Variants in ULK4 observed in about 807,000 individuals in gnomAD.
ULK4 encodes the protein unc-51 like kinase 4.
A neutral mutation model predicts 160.6 loss-of-function variants in ULK4; 133 were observed. That is an observed-to-expected ratio of 0.83 (90% CI 0.72 to 0.96). The LOEUF is 0.96. ULK4 is among the 40% of genes least tolerant of loss of function. The probability of loss-of-function intolerance (pLI) is 0.00; values close to 1 mark genes in which losing one functional copy is unlikely to be tolerated. For missense variants in ULK4, 1,580 were observed against 1,499.5 expected (o/e 1.05, Z -0.89); for synonymous variants, 534 against 539.8 (o/e 0.99, Z 0.15).
intron 27 of ULK4, among the ~76,000 whole-genome samples, chr3:41,700,268 T>C (rs2036630198): frequency 6.6e-6 from 1 of 152,174 alleles, no homozygotes; most frequent in African/African-American, 2.4e-5. Context: ...TGGAGCTGAC[T>C]GCCCAGGAAG....
chr3:41,822,986 T>C (rs1177619882), intron 18 of ULK4, among the ~76,000 whole-genome samples: 3 of 151,658 alleles, frequency 2.0e-5, no homozygotes, highest in African/African-American at 7.3e-5. Context: ...CCTCCCAAAG[T>C]GCTGGGATTA....
rs369581282 is a variant in ULK4 at position 41,919,687 on chromosome 3, T to C, written c.643+30A>G. ...CTTAACCTGGTTTTTAGTCCAGCTC[T>C]GATTTTATACCTATTCAGGAAACAA... On this transcript the variant is annotated intron_variant, in intron 6 of 36. Transcript: ENST00000301831. 1.7e-5 allele frequency: 27 copies of C among 1,577,432 alleles called. No homozygotes were observed. The African/African-American group carries it at 2.7e-4, about 16-fold the overall frequency.
At chr3:41,463,328 G>C in intron 32 of ULK4, 75 bp from the exon 33 acceptor site, 3 of 1,411,096 alleles carry the variant, frequency 2.1e-6, no homozygotes, top group Non-Finnish European at 2.9e-6. Flanking sequence ...AAAAAGAGAG[G>C]CATTCTGGCT....
rs1446627199 is a variant in ULK4 at position 41,295,479 on chromosome 3, T to C, written c.3679-45905A>G. Among the ~76,000 whole-genome samples the C allele has an allele frequency of 4.5e-5, 6 of 131,966 alleles. 2 individuals are homozygous for C. Among genetic ancestry groups the C allele is most frequent in the African/African-American group, 1.6e-4 (6 of 36,666 alleles). The allele number at this position is 131,966 out of a possible 152,430, so 86.6% of individuals were successfully genotyped here. A position where few individuals can be genotyped will look rare whatever the true frequency, so the allele number is the denominator to read the frequency against. Reference sequence around the variant, plus strand: ...TGAAAGAAATAACTGATAAGCTGGGTTTTGTTAAAACTTAAAACTTCTGCC... The same window carrying C: ...TGAAAGAAATAACTGATAAGCTGGGCTTTGTTAAAACTTAAAACTTCTGCC... On this transcript the variant is annotated intron_variant, in intron 35 of 36. Coordinates refer to ENST00000301831, the MANE Select transcript of ULK4 (RefSeq NM_017886.4).
At chr3:41,832,421 T>C (rs1487927657) in intron 18 of ULK4, among the ~76,000 whole-genome samples, 1 of 152,232 alleles carries the variant, frequency 6.6e-6, no homozygotes, top group Non-Finnish European at 1.5e-5. Context: ...TTAAGTTCCT[T>C]GTAGATTCTG....
intron 31 of ULK4, among the ~76,000 whole-genome samples, chr3:41,608,505 G>A (rs2032498113): frequency 1.3e-5 from 2 of 152,130 alleles, no homozygotes; most frequent in South Asian, 4.1e-4. Flanking sequence ...TTCATATTGA[G>A]AATGAGTAAT....
intron 18 of ULK4, among the ~76,000 whole-genome samples, chr3:41,835,653 A>G (rs116231052): frequency 0.012 from 1,829 of 152,328 alleles, 46 homozygotes; most frequent in African/African-American, 0.043. Flanking sequence ...GAAAAGAGGC[A>G]CTGGGAGGAA....
chr3:41,948,429 C>T (rs1366059481), intron 2 of ULK4, among the ~76,000 whole-genome samples: 4 of 151,794 alleles, frequency 2.6e-5, no homozygotes, highest in African/African-American at 4.8e-5. Flanking sequence ...CCAGCCTGGA[C>T]GAAAGAGTCT....
chr3:41,573,757 T>C (rs2088085862), intron 31 of ULK4, among the ~76,000 whole-genome samples: 1 of 152,202 alleles, frequency 6.6e-6, no homozygotes, highest in Non-Finnish European at 1.5e-5. Flanking sequence ...TAGTCTACCA[T>C]GCACTCCATG....
intron 31 of ULK4, among the ~76,000 whole-genome samples, chr3:41,583,676 C>T (rs1373475280): frequency 2.0e-5 from 3 of 152,198 alleles, no homozygotes; most frequent in Non-Finnish European, 4.4e-5. Flanking sequence ...AGGCCATGGC[C>T]TCCTCATGCT....
chr3:41,515,785 T>C (rs1004137849), intron 32 of ULK4, among the ~76,000 whole-genome samples: 1 of 152,178 alleles, frequency 6.6e-6, no homozygotes, highest in Non-Finnish European at 1.5e-5. Flanking sequence ...GTGGGGATTA[T>C]TACACTTCAA....
At chr3:41,430,077 A>G (rs1463678764) in intron 34 of ULK4, among the ~76,000 whole-genome samples, 6 of 152,206 alleles carry the variant, frequency 3.9e-5, no homozygotes, top group Admixed American at 3.3e-4. Context: ...AAGAATATAT[A>G]CTAAATGAAA....
chr3:41,740,315 A>C (rs1181030285), intron 22 of ULK4, among the ~76,000 whole-genome samples: 1 of 151,786 alleles, frequency 6.6e-6, no homozygotes, highest in Non-Finnish European at 1.5e-5. Context: ...TATTAACAAT[A>C]CTATGGGGAA....
intron 31 of ULK4, among the ~76,000 whole-genome samples, chr3:41,612,462 C>T (rs137918961): frequency 5.3e-4 from 80 of 152,326 alleles, no homozygotes; most frequent in African/African-American, 1.9e-3. Flanking sequence ...GTACACATCA[C>T]TCTCTCCCTG....
At chr3:41,404,576 C>T (rs993617747) in intron 34 of ULK4, among the ~76,000 whole-genome samples, 6 of 152,112 alleles carry the variant, frequency 3.9e-5, no homozygotes, top group South Asian at 2.1e-4. Context: ...AATTAACCCC[C>T]GAGTTCAACA....
intron 31 of ULK4, among the ~76,000 whole-genome samples, chr3:41,582,627 T>C (rs2132328): frequency 0.92 from 139,479 of 152,092 alleles, 64,373 homozygotes; most frequent in Middle Eastern, 0.97. Flanking sequence ...CCCTGTTGGC[T>C]TCTGGGCATT....
At chr3:41,463,281 A>C in intron 32 of ULK4, 28 bp from the exon 33 acceptor site, 1 of 1,601,676 alleles carries the variant, frequency 6.2e-7, no homozygotes, top group Non-Finnish European at 8.5e-7. Context: ...AAAGAAAAAA[A>C]CCTCATCATT....
At chr3:41,542,503 A>T (rs975681547) in intron 32 of ULK4, among the ~76,000 whole-genome samples, 2 of 152,004 alleles carry the variant, frequency 1.3e-5, no homozygotes, top group African/African-American at 2.4e-5. Context: ...TGTCTTTGCC[A>T]GGTTTTGGTA....
intron 32 of ULK4, among the ~76,000 whole-genome samples, chr3:41,556,193 C>T (rs7647639): frequency 0.51 from 77,611 of 151,904 alleles, 19,930 homozygotes; most frequent in Middle Eastern, 0.57. Context: ...TTTTAAAAAG[C>T]ACAAATACAT....
Sources: allele counts gnomAD v4.1 joint callset (sites outside exome capture counted in the v4.1 genomes callset), GRCh38; gene constraint gnomAD v4.1.1; transcripts MANE v1.5; gene names NCBI Gene and HGNC (gene_info 2026-07-23, HGNC 2026-07-21).